Variants in TYK2 observed in about 807,000 individuals in gnomAD.
TYK2 encodes tyrosine kinase 2, also known as non-receptor tyrosine-protein kinase TYK2.
A neutral mutation model predicts 130.9 loss-of-function variants in TYK2; 65 were observed. The ratio of observed to expected loss-of-function variants is 0.50; its 90% CI spans 0.41 to 0.61. The LOEUF is 0.61. Among genes scored for constraint, TYK2 ranks in the 20% least tolerant of loss-of-function variants. The pLI, the probability that TYK2 is intolerant of heterozygous loss-of-function variation, is 0.00. For missense variants in TYK2, 1,378 were observed against 1,610.7 expected (o/e 0.86, Z 2.47); for synonymous variants, 647 against 658.9 (o/e 0.98, Z 0.28).
In TYK2 at chr19:10,368,437, G is replaced by A. The variant is rs371094233; in HGVS notation, c.194-19C>T. The A allele has an allele frequency of 1.2e-5, 20 of 1,614,008 alleles. No homozygotes were observed. Among genetic ancestry groups the A allele is most frequent in the Non-Finnish European group, 1.3e-5 (15 of 1,179,980 alleles). On this transcript the variant is annotated intron_variant, in intron 3 of 24. Coordinates refer to ENST00000525621, the MANE Select transcript of TYK2 (RefSeq NM_003331.5). Reference sequence around the variant, plus strand: ...GTGATACCTGGATCAGGTGAGAAACGAGGTCAGGAGTCACGTCATTTGCTA... The same window carrying A: ...GTGATACCTGGATCAGGTGAGAAACAAGGTCAGGAGTCACGTCATTTGCTA...
chr19:10,365,791 T>C lies in TYK2; in HGVS notation c.737A>G (p.Gln246Arg), dbSNP rs886054134. ...NVFRRFLRDF[Q>R]PGRLSQQMVM... ...CATCTGCTGGGAGAGTCGGCCCGGC[T>C]GGAAGTCCCGCAGGAACCTGCGGAA... Residue 246 changes from glutamine to arginine, a missense_variant, in exon 7 of 25, where the codon CAG (glutamine) becomes CGG (arginine). Coordinates refer to ENST00000525621, the MANE Select transcript of TYK2 (RefSeq NM_003331.5). The C allele has an allele frequency of 6.2e-7, 1 of 1,612,304 alleles. No homozygotes were observed. The highest frequency in any genetic ancestry group is 8.5e-7 in the Non-Finnish European group (1 of 1,179,720).
At position 10,352,453 on chromosome 19, in the gene TYK2, G is replaced by C. The variant is rs746770166; in HGVS notation, c.3299C>G (p.Ser1100Cys). The C allele has an allele frequency of 6.2e-6, 10 of 1,610,452 alleles. No homozygotes were observed. The highest frequency in any genetic ancestry group is 1.3e-5 in the African/African-American group (1 of 74,798). ...TCTCACCGTGGGGGGGCTCTGGCTG[G>C]AGTCACAGTGCGTCAGCAGCTCATA... Reference protein sequence around the residue: ...TLYELLTHCDSSQSPPTKFLE... With the variant: ...TLYELLTHCDCSQSPPTKFLE... Residue 1100 changes from serine (S) to cysteine (C), a missense_variant, in exon 23 of 25, where the codon TCC (serine) becomes TGC (cysteine). Coordinates refer to ENST00000525621, the MANE Select transcript of TYK2 (RefSeq NM_003331.5).
chr19:10,353,865 C>T lies in TYK2; in HGVS notation c.2908+177G>A. On this transcript the variant is annotated intron_variant, in intron 20 of 24. Transcript: ENST00000525621. The surrounding 1 kb of genome is among the most constrained non-coding windows in gnomAD (Gnocchi z 6.9). ...CCATCCTGGCCCCAGCAGGTAGCAC[C>T]CCCCAGATGGGAAGGAGGCAGCCCA... 4.0e-6 allele frequency: 3 copies of T among 755,548 alleles called. No individual in the cohort carries two copies. Among genetic ancestry groups the T allele is most frequent in the Non-Finnish European group, 6.5e-6 (3 of 460,996 alleles). 46.8% of individuals were successfully genotyped at this position (755,548 alleles called of 1,614,324 possible).
Position 10,378,396 on chromosome 19 carries a change from C to G in TYK2, c.11G>C (p.Arg4Pro), listed in dbSNP as rs12720343. The G allele has an allele frequency of 6.8e-6, 11 of 1,610,588 alleles. No individual in the cohort carries two copies. In the Admixed American group the frequency reaches 8.3e-5, roughly 12 times the overall value. MPLRHWGMARGSKP... is the reference protein window; with the variant it reads MPLPHWGMARGSKP... ...ACTGCCCCTGGCCATCCCCCAGTGG[C>G]GCAGAGGCATGCTCCCGGCAGGTGG... Residue 4 changes from arginine to proline, a missense_variant, in exon 3 of 25, where the codon CGC becomes CCC. Coordinates refer to ENST00000525621, the MANE Select transcript of TYK2 (RefSeq NM_003331.5).
At position 10,353,115 on chromosome 19, in the gene TYK2, G is replaced by C; in HGVS notation, c.3028-17C>G. ...GGCCATGCCCTGGGGACGGGGCAGG[G>C]CTCGTGAGTTTCAGTGGGGCGGGGT... On this transcript the variant is annotated splice_polypyrimidine_tract_variant and intron_variant, in intron 21 of 24. Transcript: ENST00000525621. This position sits in a 1 kb window ranked among gnomAD's most constrained non-coding sequence, Gnocchi z 6.9. 1 of 1,500,350 alleles carries C rather than the reference G, an allele frequency of 6.7e-7. No individual in the cohort carries two copies. 92.9% of individuals were successfully genotyped at this position (1,500,350 alleles called of 1,614,324 possible). A position where few individuals can be genotyped will look rare whatever the true frequency, so the allele number is the denominator to read the frequency against.
At chr19:10,362,942 T>C (rs2041482344) in intron 9 of TYK2, among the ~76,000 whole-genome samples, 2 of 152,060 alleles carry the variant, frequency 1.3e-5, no homozygotes, top group Non-Finnish European at 2.9e-5. Context: ...TCTCAGCTTA[T>C]TGCAACCTCT....
At chr19:10,369,309 C>T (rs934142258) in intron 3 of TYK2, among the ~76,000 whole-genome samples, 1 of 152,014 alleles carries the variant, frequency 6.6e-6, no homozygotes, top group African/African-American at 2.4e-5. Flanking sequence ...ATGGCTTGTT[C>T]CAAACAACAT....
chr19:10,378,833 A>ATACCTTATCT (rs2042264448), intron 2 of TYK2, among the ~76,000 whole-genome samples: 1 of 148,802 alleles, frequency 6.7e-6, no homozygotes, highest in Admixed American at 6.8e-5. Flanking sequence ...GTTTTATTTT[A>ATACCTTATCT]TATCTTATCT....
rs12720356 is a variant in TYK2, at chr19:10,359,299, A to C, written c.2051T>G (p.Ile684Ser). The C allele has an allele frequency of 0.08, 128,313 of 1,610,644 alleles. 5,961 individuals carry two copies. The highest frequency in any genetic ancestry group is 0.094 in the Non-Finnish European group (110,559 of 1,179,728). The change falls in exon 15 of 25, where the codon ATC becomes AGC. Residue 684 changes from isoleucine (I) to serine (S), a missense_variant. Coordinates refer to ENST00000525621, the MANE Select transcript of TYK2 (RefSeq NM_003331.5). Reference protein sequence around the residue: ...HGVCVRGPENIMVTEYVEHGP... With the variant: ...HGVCVRGPENSMVTEYVEHGP... ...GTGCTCCACGTACTCTGTCACCATG[A>C]TATCTGTAAAGACACAGCTGCTCTG...
rs532521303 is a variant in TYK2 at position 10,354,623 on chromosome 19, G to C, written c.2618-14C>G. 8.1e-6 allele frequency: 13 copies of C among 1,608,156 alleles called. No individual in the cohort carries two copies. In the African/African-American group the frequency reaches 9.3e-5, roughly 12 times the overall value. ...CGTCAGCAAGATCTGGAAGAGTTGC[G>C]GTGGGTAAAGGCCTGACCCCGATCC... On this transcript the variant is annotated splice_polypyrimidine_tract_variant and intron_variant, in intron 18 of 24. Coordinates refer to ENST00000525621, the MANE Select transcript of TYK2 (RefSeq NM_003331.5).
At position 10,378,203 on chromosome 19, in the gene TYK2, C is replaced by T. The variant is rs2042242109; in HGVS notation, c.193+11G>A. Reference sequence around the variant, plus strand: ...ACCCCAGTCCCCATGGTGCCAACGCCCCAGACTCACCAACTTTATGTGCAA... The same window carrying T: ...ACCCCAGTCCCCATGGTGCCAACGCTCCAGACTCACCAACTTTATGTGCAA... On this transcript the variant is annotated intron_variant, in intron 3 of 24. Transcript: ENST00000525621. The T allele has an allele frequency of 6.2e-7, 1 of 1,612,376 alleles. No individual in the cohort carries two copies. Among genetic ancestry groups the T allele is most frequent in the South Asian group, 1.1e-5 (1 of 91,078 alleles).
Position 10,364,871 on chromosome 19 carries a change from G to A in TYK2, c.1189C>T (p.Arg397Trp), listed in dbSNP as rs767606287. The A allele has an allele frequency of 1.2e-5, 20 of 1,614,008 alleles. No homozygotes were observed. Among genetic ancestry groups the A allele is most frequent in the Admixed American group, 3.3e-5 (2 of 60,012 alleles). Residue 397 changes from arginine to tryptophan, a missense_variant, in exon 8 of 25, where the codon CGG becomes TGG. Coordinates refer to ENST00000525621, the MANE Select transcript of TYK2 (RefSeq NM_003331.5). The surrounding 1 kb of genome is among the most constrained non-coding windows in gnomAD (Gnocchi z 4.9). ...CTCACCAGGCACTTGTTGTCCTGCC[G>A]GTGGATGCTGACACAGTGCTCTTTC... ...VLKEHCVSIH[R>W]QDNKCLELSL...
At chr19:10,368,453 T>C (rs752679428) in intron 3 of TYK2, 35 bp from the exon 4 acceptor site, 1 of 1,613,622 alleles carries the variant, frequency 6.2e-7, no homozygotes, top group South Asian at 1.1e-5. Flanking sequence ...AGGAGTCACG[T>C]CATTTGCTAC....
At chr19:10,369,315 A>C (rs1441926642) in intron 3 of TYK2, among the ~76,000 whole-genome samples, 1 of 150,772 alleles carries the variant, frequency 6.6e-6, no homozygotes, top group African/African-American at 2.4e-5. Context: ...TGTTCCAAAC[A>C]ACATATCTTA....
In TYK2 at chr19:10,364,634, A is replaced by C. The variant is rs1383575031; in HGVS notation, c.1347T>G (p.Asp449Glu). The C allele has an allele frequency of 6.2e-7, 1 of 1,613,774 alleles. No individual in the cohort carries two copies. The highest frequency in any genetic ancestry group is 1.7e-5 in the Admixed American group (1 of 60,018). Residue 449 changes from aspartate (D) to glutamate (E), a missense_variant, in exon 9 of 25, where the codon GAT becomes GAG. Coordinates refer to ENST00000525621, the MANE Select transcript of TYK2 (RefSeq NM_003331.5). This position sits in a 1 kb window ranked among gnomAD's most constrained non-coding sequence, Gnocchi z 4.9. ...CTCACAGCAGGGGTCCGTGGATCCC[A>C]TCCCGGATGCTCATCACCAGCCGTG... ...APPRLVMSIR[D>E]GIHGPLLEPF...
rs746945505 is a variant in TYK2 at position 10,365,854 on chromosome 19, T to A, written c.674A>T (p.Gln225Leu). The A allele has an allele frequency of 6.2e-7, 1 of 1,612,176 alleles. No individual in the cohort carries two copies. Among genetic ancestry groups the A allele is most frequent in the Non-Finnish European group, 8.5e-7 (1 of 1,179,616 alleles). The change falls in exon 7 of 25, where the codon CAG (glutamine) becomes CTG (leucine). Residue 225 changes from glutamine to leucine, a missense_variant. By Grantham distance (113) the Gln-to-Leu change is moderately radical. Coordinates refer to ENST00000525621, the MANE Select transcript of TYK2 (RefSeq NM_003331.5). ...IPRSFRRHIR[Q>L]HSALTRLRLR... is the part of the protein sequence containing the mutation. Reference sequence around the variant, plus strand: ...GCGCAGCCGGGTCAGGGCGCTGTGCTGCCGGATATGCCGGCGGAAGGAGCG... The same window carrying A: ...GCGCAGCCGGGTCAGGGCGCTGTGCAGCCGGATATGCCGGCGGAAGGAGCG...
intron 18 of TYK2, 136 bp downstream of exon 18, chr19:10,356,432 C>G: frequency 9.2e-7 from 1 of 1,081,174 alleles, no homozygotes; most frequent in Admixed American, 2.0e-5. Context: ...GCAGGGCATG[C>G]TTATGAATGC....
At chr19:10,378,833 A>ACATCTTATCTTATCTTATCT (rs1319897948) in intron 2 of TYK2, among the ~76,000 whole-genome samples, 185 of 148,914 alleles carry the variant, frequency 1.2e-3, no homozygotes, top group South Asian at 2.1e-3. Flanking sequence ...GTTTTATTTT[A>ACATCTTATCTTATCTTATCT]TATCTTATCT....
intron 3 of TYK2, among the ~76,000 whole-genome samples, chr19:10,375,424 C>A (rs540718233): frequency 1.3e-5 from 2 of 151,004 alleles, no homozygotes; most frequent in Non-Finnish European, 2.9e-5. Context: ...TCGAGACCAG[C>A]CTGGCCAACA....
Sources: gnomAD v4.1 joint callset for allele counts (sites outside exome capture counted in the v4.1 genomes callset) on GRCh38, gnomAD v4.1.1 for gene constraint, Gnocchi (gnomAD v3.1) non-coding constraint, MANE v1.5 for transcripts, NCBI Gene and HGNC (gene_info 2026-07-23, HGNC 2026-07-21) for gene names.